Variants in TYW1B observed in about 807,000 individuals in gnomAD.
The protein encoded by TYW1B is tRNA-yW synthesizing protein 1 homolog B, also known as S-adenosyl-L-methionine-dependent tRNA 4-demethylwyosine synthase TYW1B.
Under a neutral mutation model 86.9 loss-of-function variants are expected in TYW1B, and 73 were observed. The ratio of observed to expected loss-of-function variants is 0.84; its 90% CI spans 0.70 to 1.02. The LOEUF is 1.02. TYW1B is among the 50% of genes least tolerant of loss of function. TYW1B has a pLI of 0.00. For synonymous variants in TYW1B, 248 were observed against 292.8 expected (o/e 0.85, Z 1.56); for missense variants, 637 against 827.4 (o/e 0.77, Z 2.82).
chr7:72,585,983 T>C (rs560811392), intron 13 of TYW1B, among the ~76,000 whole-genome samples: 271 of 152,218 alleles, frequency 1.8e-3, no homozygotes, highest in Admixed American at 4.1e-3. Context: ...GAAACGAGGA[T>C]TGGAAAACAC....
intron 13 of TYW1B, among the ~76,000 whole-genome samples, chr7:72,603,245 CGGAT>C (rs201837149): frequency 1.3e-4 from 17 of 128,608 alleles, no homozygotes; most frequent in African/African-American, 3.0e-4. Flanking sequence ...GATGGACGGA[CGGAT>C]GGATGGATGG....
chr7:72,786,563 ATTCT>A (rs1316133840), intron 6 of TYW1B, among the ~76,000 whole-genome samples: 4 of 145,812 alleles, frequency 2.7e-5, no homozygotes, highest in Non-Finnish European at 1.5e-5. Context: ...AAGTTTTTAA[ATTCT>A]TTTTTCTTTT....
At chr7:72,630,650 G>A (rs1812461659) in intron 11 of TYW1B, among the ~76,000 whole-genome samples, 1 of 152,106 alleles carries the variant, frequency 6.6e-6, no homozygotes, top group African/African-American at 2.4e-5. Flanking sequence ...TCGTTAATAA[G>A]GAATATTAGG....
At chr7:72,591,364 A>C (rs1811390732) in intron 13 of TYW1B, among the ~76,000 whole-genome samples, 1 of 152,130 alleles carries the variant, frequency 6.6e-6, no homozygotes, top group Non-Finnish European at 1.5e-5. Context: ...AAGGATAATG[A>C]ACTAAAAAAG....
At chr7:72,810,803 A>G in intron 3 of TYW1B, 138 bp from the exon 4 acceptor site, 1 of 1,242,748 alleles carries the variant, frequency 8.0e-7, no homozygotes, top group Non-Finnish European at 1.1e-6. Context: ...TCGAAAGTGA[A>G]GGGCCTGACT....
At chr7:72,674,320 C>A (rs1244398229) in intron 11 of TYW1B, among the ~76,000 whole-genome samples, 1 of 152,056 alleles carries the variant, frequency 6.6e-6, no homozygotes, top group Non-Finnish European at 1.5e-5. Flanking sequence ...ACATTGTGGG[C>A]CTCTCTCTGC....
chr7:72,631,033 T>C (rs1329974983), intron 11 of TYW1B, among the ~76,000 whole-genome samples: 10 of 152,018 alleles, frequency 6.6e-5, no homozygotes, highest in Admixed American at 2.0e-4. Context: ...AACCACATGA[T>C]CATCTTCATA....
chr7:72,593,381 T>G (rs552043572), intron 13 of TYW1B, among the ~76,000 whole-genome samples: 1 of 152,020 alleles, frequency 6.6e-6, no homozygotes, highest in African/African-American at 2.4e-5. Flanking sequence ...ACACTGTACC[T>G]AACAACAACA....
chr7:72,684,602 G>A (rs1813961379), intron 11 of TYW1B, among the ~76,000 whole-genome samples: 1 of 151,988 alleles, frequency 6.6e-6, no homozygotes, highest in Admixed American at 6.6e-5. Flanking sequence ...AAATGATATA[G>A]GTCAGAAACT....
intron 6 of TYW1B, among the ~76,000 whole-genome samples, chr7:72,801,277 C>T (rs1324167034): frequency 1.3e-5 from 2 of 151,872 alleles, no homozygotes; most frequent in African/African-American, 4.8e-5. Flanking sequence ...TGCAGTGAGC[C>T]GAGATCCCAC....
intron 7 of TYW1B, among the ~76,000 whole-genome samples, chr7:72,751,677 C>A (rs1787502451): frequency 1.3e-5 from 2 of 152,112 alleles, no homozygotes; most frequent in Admixed American, 1.3e-4. Flanking sequence ...GTATGATTTT[C>A]TTGTTCCTTG....
chr7:72,706,952 CA>C (rs746509102), intron 10 of TYW1B, among the ~76,000 whole-genome samples: 110 of 152,314 alleles, frequency 7.2e-4, no homozygotes, highest in Non-Finnish European at 1.4e-3. Context: ...AAATGGATTG[CA>C]TATCATCTGG....
chr7:72,815,068 CAAAAAAAAAAAA>C (rs576240918), intron 3 of TYW1B, among the ~76,000 whole-genome samples: 1 of 73,112 alleles, frequency 1.4e-5, no homozygotes, highest in Non-Finnish European at 2.8e-5. Context: ...GACTCCATCT[CAAAAAAAAAAAA>C]AAAAAAAAAA....
chr7:72,753,436 G>A (rs1554465439), intron 7 of TYW1B, among the ~76,000 whole-genome samples: 1 of 150,756 alleles, frequency 6.6e-6, no homozygotes, highest in African/African-American at 2.4e-5. Context: ...GGGCTGACCA[G>A]CAAAAAGACT....
At chr7:72,741,049 A>G (rs782442322) in intron 8 of TYW1B, among the ~76,000 whole-genome samples, 3 of 152,094 alleles carry the variant, frequency 2.0e-5, no homozygotes, top group Non-Finnish European at 2.9e-5. Flanking sequence ...AGTTTTCAAC[A>G]AAACATTTCT....
chr7:72,663,302 T>C (rs1218066747), intron 11 of TYW1B, among the ~76,000 whole-genome samples: 2 of 152,176 alleles, frequency 1.3e-5, no homozygotes, highest in African/African-American at 4.8e-5. Flanking sequence ...GTTCCTTCAA[T>C]GCTATTTGAA....
chr7:72,773,644 T>C (rs1282855354), intron 7 of TYW1B, among the ~76,000 whole-genome samples: 1 of 152,198 alleles, frequency 6.6e-6, no homozygotes, highest in African/African-American at 2.4e-5. Context: ...TCTCAAGTAT[T>C]TGCCCAAGTA....
rs191819840 is a variant in TYW1B at position 72,577,183 on chromosome 7, G to C, written c.1786-1464C>G. On this transcript the variant is annotated intron_variant, in intron 13 of 13. Coordinates refer to ENST00000620995, the MANE Select transcript of TYW1B (RefSeq NM_001145440.3). ...TAAATGAACTAAGGAAAAATTTCCT[G>C]TTCTAGCCACAAAAAAAAAAAAGAA... is the stretch of plus-strand genomic sequence containing the variant. Among the ~76,000 whole-genome samples the C allele has an allele frequency of 7.4e-3, 1,062 of 144,060 alleles. 9 individuals are homozygous for C. Among genetic ancestry groups the C allele is most frequent in the African/African-American group, 0.026 (1,009 of 39,552 alleles). 94.5% of individuals were successfully genotyped at this position (144,060 alleles called of 152,430 possible).
At chr7:72,687,824 G>A (rs1360931622) in intron 11 of TYW1B, among the ~76,000 whole-genome samples, 2 of 152,086 alleles carry the variant, frequency 1.3e-5, no homozygotes, top group African/African-American at 4.8e-5. Context: ...GGGAGGCCAA[G>A]GTAGGAGGAT....
Sources: allele counts gnomAD v4.1 joint callset (sites outside exome capture counted in the v4.1 genomes callset), GRCh38; gene constraint gnomAD v4.1.1; transcripts MANE v1.5; gene names NCBI Gene and HGNC (gene_info 2026-07-23, HGNC 2026-07-21).